CADPS2: variants seen among roughly 807,000 people sequenced by gnomAD.
The protein encoded by CADPS2 is calcium dependent secretion activator 2, also known as calcium-dependent secretion activator 2.
Under a neutral mutation model 172.5 loss-of-function variants are expected in CADPS2, and 93 were observed. The ratio of observed to expected loss-of-function variants is 0.54; its 90% CI spans 0.46 to 0.64. The LOEUF (loss-of-function observed/expected upper bound fraction) is 0.64. Ranked by LOEUF, CADPS2 falls within the 30% of genes least tolerant of loss-of-function variation. CADPS2 has a pLI of 0.00. For missense variants in CADPS2, 1,420 were observed against 1,565.9 expected (o/e 0.91, Z 1.57); for synonymous variants, 546 against 555.2 (o/e 0.98, Z 0.23).
At chr7:122,539,229 A>C (rs1052512431) in intron 8 of CADPS2, among the ~76,000 whole-genome samples, 1 of 151,998 alleles carries the variant, frequency 6.6e-6, no homozygotes, top group Non-Finnish European at 1.5e-5. Flanking sequence ...ATGGATTAAC[A>C]CCATTATTAT....
chr7:122,412,500 G>A (rs992076409), intron 19 of CADPS2, among the ~76,000 whole-genome samples: 3 of 152,132 alleles, frequency 2.0e-5, no homozygotes, highest in Admixed American at 6.5e-5. Flanking sequence ...GCACAAATAC[G>A]TGTGTTCACA....
intron 24 of CADPS2, among the ~76,000 whole-genome samples, chr7:122,385,606 G>A (rs1012058835): frequency 2.6e-5 from 4 of 152,054 alleles, no homozygotes; most frequent in East Asian, 1.9e-4. Flanking sequence ...AATCCTTTAC[G>A]CATAAAGGTT....
At chr7:122,543,871 A>G (rs1387924575) in intron 8 of CADPS2, among the ~76,000 whole-genome samples, 3 of 152,290 alleles carry the variant, frequency 2.0e-5, no homozygotes, top group South Asian at 2.1e-4. Context: ...AGAGACAATA[A>G]TATAACTATA....
At chr7:122,885,708 G>T (rs1396194804) in intron 1 of CADPS2, among the ~76,000 whole-genome samples, 1 of 152,146 alleles carries the variant, frequency 6.6e-6, no homozygotes, top group African/African-American at 2.4e-5. Context: ...CCAGAGCTGC[G>T]CCTGCCGGGT....
chr7:122,733,858 T>C (rs2091899787), intron 2 of CADPS2, among the ~76,000 whole-genome samples: 1 of 152,096 alleles, frequency 6.6e-6, no homozygotes, highest in Non-Finnish European at 1.5e-5. Context: ...AGCCCATTGC[T>C]TGAGTCAAGG....
intron 19 of CADPS2, among the ~76,000 whole-genome samples, chr7:122,408,339 T>C (rs1024686054): frequency 9.2e-5 from 14 of 152,228 alleles, no homozygotes; most frequent in African/African-American, 3.1e-4. Context: ...TTAATGGGTA[T>C]GCATTTTAGA....
intron 5 of CADPS2, 34 bp downstream of exon 5, chr7:122,621,447 C>G (rs370627372): frequency 1.3e-5 from 17 of 1,314,344 alleles, no homozygotes; most frequent in Non-Finnish European, 1.8e-5. Flanking sequence ...ATCATTTATG[C>G]TGTCAGAGGT....
At chr7:122,572,268 T>C (rs574306993) in intron 7 of CADPS2, among the ~76,000 whole-genome samples, 6 of 152,152 alleles carry the variant, frequency 3.9e-5, no homozygotes, top group Non-Finnish European at 7.4e-5. Context: ...GACTTTTATA[T>C]TTGTGGTACA....
intron 21 of CADPS2, 41 bp from the exon 22 acceptor site, chr7:122,393,356 C>T (rs1262994217): frequency 1.9e-6 from 3 of 1,613,538 alleles, no homozygotes; most frequent in Non-Finnish European, 2.5e-6. Flanking sequence ...CCACCATAAG[C>T]GATAACTACA....
In CADPS2 at chr7:122,373,333, A is replaced by G. The variant is rs534711873; in HGVS notation, c.3387+6035T>C. Among the ~76,000 whole-genome samples the G allele has an allele frequency of 7.2e-5, 11 of 152,262 alleles. No homozygotes were observed. In the East Asian group the frequency reaches 2.1e-3, roughly 29 times the overall value. On this transcript the variant is annotated intron_variant, in intron 25 of 29. Transcript: ENST00000449022. ...ATGCACATTCCTTCCCCTCTTCCCA[A>G]ACTTAAGACTCAGCATCACTGGAGA...
chr7:122,876,331 T>G (rs1385923551), intron 1 of CADPS2, among the ~76,000 whole-genome samples: 1 of 152,064 alleles, frequency 6.6e-6, no homozygotes, highest in African/African-American at 2.4e-5. Flanking sequence ...AAAAATAAAA[T>G]AAAATAAGGG....
At chr7:122,698,582 T>G (rs1564096297) in intron 2 of CADPS2, 4 of 1,613,986 alleles carry the variant, frequency 2.5e-6, no homozygotes, top group Non-Finnish European at 3.4e-6. Context: ...ATTTTCTGTG[T>G]GAAGGTACAA....
intron 1 of CADPS2, among the ~76,000 whole-genome samples, chr7:122,793,296 G>GA (rs1172056339): frequency 1.3e-5 from 2 of 152,176 alleles, no homozygotes; most frequent in African/African-American, 4.8e-5. Context: ...CTTGCTTTAT[G>GA]AATCTGGGTG....
intron 11 of CADPS2, among the ~76,000 whole-genome samples, chr7:122,484,580 G>T: frequency 6.6e-6 from 1 of 151,882 alleles, no homozygotes; most frequent in Admixed American, 6.6e-5. Context: ...TGCAATTTGG[G>T]TTAGGCAAAG....
At chr7:122,870,139 T>C (rs1288263007) in intron 1 of CADPS2, among the ~76,000 whole-genome samples, 2 of 151,918 alleles carry the variant, frequency 1.3e-5, no homozygotes, top group Non-Finnish European at 2.9e-5. Flanking sequence ...ACTTTTCTGA[T>C]CAAAAGACAT....
chr7:122,337,101 G>A (rs2035967633), intron 28 of CADPS2, among the ~76,000 whole-genome samples: 1 of 152,170 alleles, frequency 6.6e-6, no homozygotes, highest in African/African-American at 2.4e-5. Context: ...CTAATCCTTT[G>A]ATAATAATTT....
At chr7:122,584,715 C>G (rs2069381034) in intron 6 of CADPS2, among the ~76,000 whole-genome samples, 1 of 152,002 alleles carries the variant, frequency 6.6e-6, no homozygotes, top group African/African-American at 2.4e-5. Context: ...AACACTTTAA[C>G]TACAGCACCC....
intron 3 of CADPS2, among the ~76,000 whole-genome samples, chr7:122,645,495 TATA>T (rs201028629): frequency 0.16 from 17,157 of 109,886 alleles, 1,718 homozygotes; most frequent in East Asian, 0.2. Flanking sequence ...AGCGTATATA[TATA>T]TAAGTATATA....
intron 1 of CADPS2, among the ~76,000 whole-genome samples, chr7:122,824,356 C>A (rs1804262705): frequency 6.6e-6 from 1 of 152,182 alleles, no homozygotes; most frequent in Non-Finnish European, 1.5e-5. Context: ...CAACACAACT[C>A]TCATATAGGC....
Sources: gnomAD v4.1 joint callset for allele counts (sites outside exome capture counted in the v4.1 genomes callset) on GRCh38, gnomAD v4.1.1 for gene constraint, MANE v1.5 for transcripts, NCBI Gene and HGNC (gene_info 2026-07-23, HGNC 2026-07-21) for gene names.